Variants in ASTN2 observed in about 807,000 individuals in gnomAD.
The protein encoded by ASTN2 is astrotactin-2.
ASTN2 carries 54 observed loss-of-function variants against 139.8 expected under a neutral mutation model. That is an observed-to-expected ratio of 0.39 (90% confidence interval 0.31 to 0.48). The LOEUF is 0.48. ASTN2 is among the 20% of genes least tolerant of loss of function. The pLI, the probability that ASTN2 is intolerant of heterozygous loss-of-function variation, is 0.95. For synonymous variants in ASTN2, 756 were observed against 719.5 expected (o/e 1.05, Z -0.81); for missense variants, 1,565 against 1,725.1 (o/e 0.91, Z 1.64).
intron 16 of ASTN2, among the ~76,000 whole-genome samples, chr9:116,720,404 G>A (rs1414565787): frequency 6.6e-6 from 1 of 152,178 alleles, no homozygotes; most frequent in African/African-American, 2.4e-5. Flanking sequence ...TCCTTCCACA[G>A]GGGTCACCTA....
At chr9:117,096,179 G>T in intron 4 of ASTN2, 28 bp from the exon 5 acceptor site, 1 of 1,579,726 alleles carries the variant, frequency 6.3e-7, no homozygotes, top group Non-Finnish European at 8.7e-7. Context: ...CTATCAGTTA[G>T]TCTCCCAGGC....
At chr9:116,445,293 G>C (rs953844965) in intron 20 of ASTN2, among the ~76,000 whole-genome samples, 1 of 152,212 alleles carries the variant, frequency 6.6e-6, no homozygotes, top group African/African-American at 2.4e-5. Context: ...TGCTGAGAAA[G>C]TGGCTTGTAA....
intron 1 of ASTN2, among the ~76,000 whole-genome samples, chr9:117,293,827 C>A (rs1257975944): frequency 2.0e-5 from 3 of 152,202 alleles, no homozygotes; most frequent in African/African-American, 7.2e-5. Context: ...CCAGGGAACC[C>A]AGGGCTGAAA....
chr9:116,467,317 A>G (rs1028190191), intron 20 of ASTN2, among the ~76,000 whole-genome samples: 4 of 152,026 alleles, frequency 2.6e-5, no homozygotes, highest in African/African-American at 9.7e-5. Context: ...ACCAGGCTGG[A>G]GTGCAGTGGT....
At chr9:117,174,748 C>T (rs1484117041) in intron 3 of ASTN2, among the ~76,000 whole-genome samples, 4 of 151,950 alleles carry the variant, frequency 2.6e-5, no homozygotes, top group African/African-American at 7.2e-5. Context: ...TATCCAATCA[C>T]GGCTTGAAAA....
chr9:116,878,265 T>C (rs1833356537), intron 10 of ASTN2, among the ~76,000 whole-genome samples: 1 of 152,210 alleles, frequency 6.6e-6, no homozygotes, highest in Non-Finnish European at 1.5e-5. Context: ...GTATGTTCAT[T>C]GCAGCACTAT....
At chr9:116,866,948 A>G (rs998253404) in intron 10 of ASTN2, among the ~76,000 whole-genome samples, 11 of 151,982 alleles carry the variant, frequency 7.2e-5, no homozygotes, top group Admixed American at 3.3e-4. Flanking sequence ...AGAACAAGAG[A>G]TAAACAGGTA....
intron 5 of ASTN2, among the ~76,000 whole-genome samples, chr9:117,070,097 C>T (rs1828072571): frequency 6.9e-6 from 1 of 145,596 alleles, no homozygotes; most frequent in African/African-American, 2.5e-5. Context: ...GCAGTTTCTT[C>T]CTAGTCTCGA....
intron 16 of ASTN2, among the ~76,000 whole-genome samples, chr9:116,665,438 C>A (rs111790496): frequency 6.6e-6 from 1 of 152,130 alleles, no homozygotes; most frequent in African/African-American, 2.4e-5. Context: ...TAAAAACTTA[C>A]GACTTGTTTT....
At chr9:116,864,427 G>A (rs1832968122) in intron 10 of ASTN2, among the ~76,000 whole-genome samples, 1 of 152,122 alleles carries the variant, frequency 6.6e-6, no homozygotes, top group Non-Finnish European at 1.5e-5. Flanking sequence ...AGGGAAATAC[G>A]TGATTCCTCC....
At chr9:117,345,029 G>C (rs1457725862) in intron 1 of ASTN2, among the ~76,000 whole-genome samples, 1 of 152,136 alleles carries the variant, frequency 6.6e-6, no homozygotes, top group Non-Finnish European at 1.5e-5. Flanking sequence ...AAAGGACCCA[G>C]GAATCTAAGG....
chr9:116,755,786 C>A (rs1829516782), intron 13 of ASTN2, among the ~76,000 whole-genome samples: 1 of 152,174 alleles, frequency 6.6e-6, no homozygotes, highest in Non-Finnish European at 1.5e-5. Context: ...TAAGCGCCAT[C>A]ATGTATATCC....
intron 5 of ASTN2, among the ~76,000 whole-genome samples, chr9:117,043,408 C>G (rs768829923): frequency 4.6e-5 from 7 of 152,132 alleles, no homozygotes; most frequent in Non-Finnish European, 7.3e-5. Flanking sequence ...ACAGCAGCAA[C>G]CAGCCTATGT....
At chr9:116,436,341 G>A (rs576207335) in intron 22 of ASTN2, among the ~76,000 whole-genome samples, 1 of 152,162 alleles carries the variant, frequency 6.6e-6, no homozygotes, top group Non-Finnish European at 1.5e-5. Context: ...GAGGGGCATA[G>A]AAGAGGAGAC....
At chr9:116,944,397 C>G (rs1442841054) in intron 10 of ASTN2, among the ~76,000 whole-genome samples, 1 of 151,986 alleles carries the variant, frequency 6.6e-6, no homozygotes, top group Non-Finnish European at 1.5e-5. Flanking sequence ...AAAGCAGATG[C>G]AGGCCAGGCA....
intron 13 of ASTN2, among the ~76,000 whole-genome samples, chr9:116,749,674 G>A (rs951723192): frequency 1.3e-5 from 2 of 152,146 alleles, no homozygotes; most frequent in African/African-American, 4.8e-5. Flanking sequence ...AATCCCATGT[G>A]GAAACATAAT....
At chr9:117,332,246 T>C (rs1828733914) in intron 1 of ASTN2, among the ~76,000 whole-genome samples, 1 of 152,208 alleles carries the variant, frequency 6.6e-6, no homozygotes, top group African/African-American at 2.4e-5. Context: ...TGCCACCCTT[T>C]ATAGCATAAC....
chr9:116,738,936 T>C (rs940254367), intron 13 of ASTN2, among the ~76,000 whole-genome samples: 2 of 152,174 alleles, frequency 1.3e-5, no homozygotes, highest in African/African-American at 2.4e-5. Flanking sequence ...GAGTCTGCTT[T>C]CAAGAAAGCA....
At chr9:117,103,898 G>C (rs1339104721) in intron 4 of ASTN2, among the ~76,000 whole-genome samples, 2 of 152,172 alleles carry the variant, frequency 1.3e-5, no homozygotes, top group Non-Finnish European at 2.9e-5. Context: ...CTGAGCTCTA[G>C]AGCTAAACCA....
Sources: gnomAD v4.1 joint callset for allele counts (sites outside exome capture counted in the v4.1 genomes callset) on GRCh38, gnomAD v4.1.1 for gene constraint, MANE v1.5 for transcripts, NCBI Gene and HGNC (gene_info 2026-07-23, HGNC 2026-07-21) for gene names.